GCLM: variants seen among roughly 807,000 people sequenced by gnomAD.
GCLM encodes the protein glutamate-cysteine ligase modifier subunit.
Under a neutral mutation model 36.0 loss-of-function variants are expected in GCLM, and 15 were observed. The observed-to-expected ratio is 0.42, with a 90% CI of 0.28 to 0.64. The LOEUF (loss-of-function observed/expected upper bound fraction) is 0.64. Ranked by LOEUF, GCLM falls within the 30% of genes least tolerant of loss-of-function variation. The pLI, the probability that GCLM is intolerant of heterozygous loss-of-function variation, is 0.25. For missense variants in GCLM, 242 were observed against 325.5 expected (o/e 0.74, Z 1.97); for synonymous variants, 129 against 122.8 (o/e 1.05, Z -0.34).
Position 93,886,142 on chromosome 1 carries a change from T to C in GCLM, c.*2848A>G, listed in dbSNP as rs1332650796. ...AAGATAGACTCATAACAGAACAAAT[T>C]CCAAGTTACAGTACATTGTGTTAAA... On this transcript the variant is annotated 3_prime_UTR_variant, in exon 7 of 7. Coordinates refer to ENST00000370238, the MANE Select transcript of GCLM (RefSeq NM_002061.4). The C allele has an allele frequency of 6.6e-6, 1 of 152,142 alleles. No individual in the cohort carries two copies. The highest frequency in any genetic ancestry group is 1.5e-5 in the Non-Finnish European group (1 of 68,006). 9.4% of individuals were successfully genotyped at this position (152,142 alleles called of 1,614,324 possible). A position where few individuals can be genotyped will look rare whatever the true frequency, so the allele number is the denominator to read the frequency against.
intron 6 of GCLM, among the ~76,000 whole-genome samples, chr1:93,894,063 G>A (rs951339471): frequency 1.3e-5 from 2 of 152,018 alleles, no homozygotes; most frequent in Non-Finnish European, 2.9e-5. Context: ...TTCAAGCCCA[G>A]CCTGGGTGAC....
rs150334675 is a variant in GCLM at position 93,904,779 on chromosome 1, C to T, written c.127-191G>A. ...TACATAAATTCAGGCCTGTTTTCAT[C>T]CTACTCTTGTTTCTCAAATGTTCTT... On this transcript the variant is annotated intron_variant, in intron 1 of 6. Coordinates refer to ENST00000370238, the MANE Select transcript of GCLM (RefSeq NM_002061.4). Among the ~76,000 whole-genome samples, 109 of 152,316 alleles carry T rather than the reference C, an allele frequency of 7.2e-4. 1 individual carries two copies. Among genetic ancestry groups the T allele is most frequent in the Admixed American group, 1.4e-3 (22 of 15,306 alleles).
chr1:93,901,148 A>ATAC (rs1656933886), intron 3 of GCLM, among the ~76,000 whole-genome samples: 1 of 151,984 alleles, frequency 6.6e-6, no homozygotes, highest in African/African-American at 2.4e-5. Context: ...GTGTTACAGT[A>ATAC]TTTTCTTTCT....
chr1:93,902,391 G>C (rs7515991), intron 2 of GCLM, among the ~76,000 whole-genome samples: 12,149 of 151,716 alleles, frequency 0.08, 1,232 homozygotes, highest in African/African-American at 0.24. Context: ...TGTTAGCCAG[G>C]ATGGTCTCGA....
At chr1:93,893,284 G>A (rs1218663560) in intron 6 of GCLM, among the ~76,000 whole-genome samples, 1 of 152,106 alleles carries the variant, frequency 6.6e-6, no homozygotes, top group South Asian at 2.1e-4. Context: ...TATAGTTTCC[G>A]TTGTTGTGAG....
chr1:93,890,339 C>A (rs1656487689), intron 6 of GCLM, among the ~76,000 whole-genome samples: 1 of 151,980 alleles, frequency 6.6e-6, no homozygotes. Flanking sequence ...GTTTGCATTA[C>A]AAATAAGTCT....
chr1:93,902,567 A>G (rs189433354), intron 2 of GCLM, among the ~76,000 whole-genome samples: 1 of 151,388 alleles, frequency 6.6e-6, no homozygotes, highest in Admixed American at 6.6e-5. Context: ...CAGATTTCTC[A>G]TTCACTCCCT....
intron 6 of GCLM, among the ~76,000 whole-genome samples, chr1:93,890,242 T>C (rs2100905135): frequency 6.6e-6 from 1 of 152,190 alleles, no homozygotes; most frequent in Middle Eastern, 3.4e-3. Flanking sequence ...AAGCGGTTTA[T>C]TACACACACA....
At chr1:93,894,238 G>A (rs901928180) in intron 6 of GCLM, among the ~76,000 whole-genome samples, 6 of 146,268 alleles carry the variant, frequency 4.1e-5, no homozygotes, top group Admixed American at 2.8e-4. Context: ...CAGCCTGGGC[G>A]ACAGAACAAG....
chr1:93,894,645 G>A lies in GCLM; in HGVS notation c.624C>T (p.Asp208=), dbSNP rs1557727716. The change falls in exon 6 of 7, where the codon GAC becomes GAT. Residue 208 remains aspartate (D), a synonymous_variant. Transcript: ENST00000370238. ...GATCATTGTGAGTCAACAGCTGTAT[G>A]TCAAATTGTTTAGCAAATGCAGTCA... ...PDLTAFAKQF[D]IQLLTHNDPK... 1 of 1,601,824 alleles carries A rather than the reference G, an allele frequency of 6.2e-7. No homozygotes were observed. Among genetic ancestry groups the A allele is most frequent in the Admixed American group, 1.7e-5 (1 of 59,966 alleles).
At chr1:93,901,419 C>T (rs1656944224) in intron 3 of GCLM, among the ~76,000 whole-genome samples, 166 bp downstream of exon 3, 1 of 152,300 alleles carries the variant, frequency 6.6e-6, no homozygotes, top group East Asian at 1.9e-4. Context: ...ATAGCCAGCA[C>T]TGACCTCTTA....
intron 2 of GCLM, among the ~76,000 whole-genome samples, chr1:93,902,550 G>C (rs764125342): frequency 2.0e-5 from 3 of 151,188 alleles, no homozygotes; most frequent in African/African-American, 4.9e-5. Context: ...GTAGAAGGTA[G>C]ATTGAACAGA....
rs1487331684 is a variant in GCLM, at chr1:93,888,402, T to C, written c.*588A>G. ...GGCACAAGAATACAAGGTTAAATTATTACAGCTAAACTATAAGCAAGGACA... is the reference window on the plus strand; with the variant it reads ...GGCACAAGAATACAAGGTTAAATTACTACAGCTAAACTATAAGCAAGGACA... On this transcript the variant is annotated 3_prime_UTR_variant, in exon 7 of 7. Transcript: ENST00000370238. 4 of 152,174 alleles carry C rather than the reference T, an allele frequency of 2.6e-5. No individual in the cohort carries two copies. Among genetic ancestry groups the C allele is most frequent in the Non-Finnish European group, 2.9e-5 (2 of 68,026 alleles). 9.4% of individuals were successfully genotyped at this position (152,174 alleles called of 1,614,324 possible). A position where few individuals can be genotyped will look rare whatever the true frequency, so the allele number is the denominator to read the frequency against.
chr1:93,909,390 T>C lies in GCLM; in HGVS notation c.-227A>G, dbSNP rs916613254. The C allele has an allele frequency of 1.1e-5, 8 of 747,642 alleles. No homozygotes were observed. The highest frequency in any genetic ancestry group is 1.9e-5 in the African/African-American group (1 of 53,222). 46.3% of individuals were successfully genotyped at this position (747,642 alleles called of 1,614,324 possible). On this transcript the variant is annotated 5_prime_UTR_variant, in exon 1 of 7. Transcript: ENST00000370238. ...AGGCACCGGTGGCTGCGGCTCCGGC[T>C]CCGGCTACTGCGGCCGCAGCGGGAG...
At chr1:93,897,168 T>G (rs1337121049) in intron 4 of GCLM, among the ~76,000 whole-genome samples, 4 of 152,184 alleles carry the variant, frequency 2.6e-5, no homozygotes, top group Non-Finnish European at 4.4e-5. Flanking sequence ...TTCATAAAAT[T>G]TTCTTCTCCA....
At chr1:93,898,326 A>AAAAAAAAAAAAAAAAAAAC (rs1656812980) in intron 3 of GCLM, among the ~76,000 whole-genome samples, 1 of 147,772 alleles carries the variant, frequency 6.8e-6, no homozygotes, top group African/African-American at 2.5e-5. Flanking sequence ...AAAAAAAAAA[A>AAAAAAAAAAAAAAAAAAAC]AAAGGCCACA....
intron 1 of GCLM, among the ~76,000 whole-genome samples, chr1:93,905,714 T>C (rs1285677141): frequency 6.6e-6 from 1 of 152,228 alleles, no homozygotes; most frequent in Non-Finnish European, 1.5e-5. Context: ...AAGACATACA[T>C]TCACATAGTG....
chr1:93,898,303 G>GAAAAAAAAAAAAAAAAAAAAAAA lies in GCLM; in HGVS notation c.278-428_278-406dup, dbSNP rs58007552. On this transcript the variant is annotated intron_variant, in intron 3 of 6. Coordinates refer to ENST00000370238, the MANE Select transcript of GCLM (RefSeq NM_002061.4). ...TTGAAAATGTAATGAGAAGAAAACT[G>GAAAAAAAAAAAAAAAAAAAAAAA]AAAAAAAAAAAAAAAAAAAAAAAAA... 1.8e-3 allele frequency among the ~76,000 whole-genome samples: 30 copies of GAAAAAAAAAAAAAAAAAAAAAAA among 16,430 alleles called. 9 individuals carry two copies. Among genetic ancestry groups the GAAAAAAAAAAAAAAAAAAAAAAA allele is most frequent in the South Asian group, 6.1e-3 (2 of 326 alleles). The allele number at this position is 16,430 out of a possible 152,430, so 10.8% of individuals were successfully genotyped here. A position where few individuals can be genotyped will look rare whatever the true frequency, so the allele number is the denominator to read the frequency against.
chr1:93,909,082 A>G lies in GCLM; in HGVS notation c.82T>C (p.Trp28Arg). ...LHLQTGNLLN[W>R]GRLRKKCPST... is the part of the protein sequence containing the mutation. ...GGGCACTTCTTCCGCAGGCGGCCCC[A>G]GTTCAGCAGGTTCCCCGTCTGCAGG... The change falls in exon 1 of 7, where the codon TGG becomes CGG. Residue 28 changes from tryptophan (W) to arginine (R), a missense_variant. By Grantham distance (101) the Trp-to-Arg change is moderately radical. Coordinates refer to ENST00000370238, the MANE Select transcript of GCLM (RefSeq NM_002061.4). 1.4e-6 allele frequency: 2 copies of G among 1,474,240 alleles called. No individual in the cohort carries two copies. The highest frequency in any genetic ancestry group is 8.9e-7 in the Non-Finnish European group (1 of 1,118,216). 91.3% of individuals were successfully genotyped at this position (1,474,240 alleles called of 1,614,324 possible). A position where few individuals can be genotyped will look rare whatever the true frequency, so the allele number is the denominator to read the frequency against.
Sources: allele counts gnomAD v4.1 joint callset (sites outside exome capture counted in the v4.1 genomes callset), GRCh38; gene constraint gnomAD v4.1.1; transcripts MANE v1.5; gene names NCBI Gene and HGNC (gene_info 2026-07-23, HGNC 2026-07-21).